SCG5: variants seen among roughly 807,000 people sequenced by gnomAD.
SCG5 encodes secretogranin V, also known as neuroendocrine protein 7B2.
A neutral mutation model predicts 25.7 loss-of-function variants in SCG5; 18 were observed. The ratio of observed to expected loss-of-function variants is 0.70; its 90% CI spans 0.48 to 1.04. The LOEUF (loss-of-function observed/expected upper bound fraction) is 1.04, where lower values mean the gene tolerates loss of function less well. Ranked by LOEUF, SCG5 falls within the 50% of genes least tolerant of loss-of-function variation. SCG5 has a pLI of 0.00. For synonymous variants in SCG5, 101 were observed against 91.7 expected, an observed-to-expected ratio of 1.10 and a Z score of -0.58; for missense variants, 206 against 259.8, an observed-to-expected ratio of 0.79 and a Z score of 1.42.
chr15:32,654,675 T>C (rs527564930), intron 2 of SCG5, among the ~76,000 whole-genome samples: 1 of 152,332 alleles, frequency 6.6e-6, no homozygotes, highest in Middle Eastern at 3.4e-3. Flanking sequence ...TGAATTGGCA[T>C]TGATGATGAG....
chr15:32,643,353 A>G (rs911528417), intron 1 of SCG5, among the ~76,000 whole-genome samples: 1 of 152,192 alleles, frequency 6.6e-6, no homozygotes, highest in African/African-American at 2.4e-5. Context: ...CTTTCTCAAG[A>G]ATGCAAACAG....
At position 32,679,760 on chromosome 15, in the gene SCG5, T is replaced by C. The variant is rs746311332; in HGVS notation, c.227-6T>C. The C allele has an allele frequency of 6.2e-7, 1 of 1,613,940 alleles. No individual in the cohort carries two copies. The highest frequency in any genetic ancestry group is 1.3e-5 in the African/African-American group (1 of 75,064). ...CTGCAATGAACTACTTCTGATTCCCTCGCAGGTGGAGCTCATGAAGGACTT... is the reference window on the plus strand; with the variant it reads ...CTGCAATGAACTACTTCTGATTCCCCCGCAGGTGGAGCTCATGAAGGACTT... On this transcript the variant is annotated splice_region_variant and splice_polypyrimidine_tract_variant and intron_variant, in intron 2 of 5. Transcript: ENST00000300175.
intron 4 of SCG5, among the ~76,000 whole-genome samples, chr15:32,690,583 T>C (rs1453056515): frequency 6.6e-6 from 1 of 152,212 alleles, no homozygotes; most frequent in Non-Finnish European, 1.5e-5. Context: ...GCTCCTTCAC[T>C]CTGGCACCGC....
intron 2 of SCG5, among the ~76,000 whole-genome samples, chr15:32,644,855 G>C (rs2053917968): frequency 6.6e-6 from 1 of 152,198 alleles, no homozygotes; most frequent in African/African-American, 2.4e-5. Context: ...GCCAGAGTCT[G>C]TGATTTTCTA....
At chr15:32,690,497 G>A (rs531255345) in intron 4 of SCG5, among the ~76,000 whole-genome samples, 8 of 152,312 alleles carry the variant, frequency 5.3e-5, no homozygotes, top group African/African-American at 1.4e-4. Flanking sequence ...TCTCCCTTCC[G>A]ATATTAAATT....
At chr15:32,674,364 G>A (rs1412355615) in intron 2 of SCG5, among the ~76,000 whole-genome samples, 1 of 151,906 alleles carries the variant, frequency 6.6e-6, no homozygotes, top group African/African-American at 2.4e-5. Flanking sequence ...ATTATATCAA[G>A]ATAAAATATG....
rs185590578 is a variant in SCG5, at chr15:32,680,225, T to C, written c.376+310T>C. Among the ~76,000 whole-genome samples the C allele has an allele frequency of 3.5e-3, 492 of 142,294 alleles. 2 individuals carry two copies. The highest frequency in any genetic ancestry group is 0.013 in the African/African-American group (486 of 38,062). 93.4% of individuals were successfully genotyped at this position (142,294 alleles called of 152,430 possible). On this transcript the variant is annotated intron_variant, in intron 3 of 5. Coordinates refer to ENST00000300175, the MANE Select transcript of SCG5 (RefSeq NM_001144757.3). ...TTTTTTTTTTTTTTGAGACAAAGTC[T>C]CGCTGTGTCACCCAGGCTGGAGTGC...
intron 5 of SCG5, 125 bp downstream of exon 5, chr15:32,691,888 A>C: frequency 6.6e-7 from 1 of 1,509,004 alleles, no homozygotes; most frequent in South Asian, 1.3e-5. Context: ...CCTGAGAAAC[A>C]CTGGTCCATG....
intron 2 of SCG5, among the ~76,000 whole-genome samples, chr15:32,649,427 A>G (rs2053998756): frequency 6.6e-6 from 1 of 152,176 alleles, no homozygotes; most frequent in African/African-American, 2.4e-5. Context: ...GTTATCTAGA[A>G]TTGACTATGA....
chr15:32,657,493 A>T (rs2054144395), intron 2 of SCG5, among the ~76,000 whole-genome samples: 1 of 151,838 alleles, frequency 6.6e-6, no homozygotes, highest in Non-Finnish European at 1.5e-5. Flanking sequence ...TGCCCTTGTG[A>T]CTTTACAGAT....
chr15:32,690,557 G>GT (rs2054832076), intron 4 of SCG5, among the ~76,000 whole-genome samples: 2 of 152,188 alleles, frequency 1.3e-5, no homozygotes, highest in Admixed American at 1.3e-4. Context: ...CAGTACTGGT[G>GT]TTTTTGGTAG....
chr15:32,687,487 T>C (rs933860726), intron 4 of SCG5, among the ~76,000 whole-genome samples: 5 of 152,218 alleles, frequency 3.3e-5, no homozygotes, highest in African/African-American at 1.2e-4. Flanking sequence ...CAGTAAAACA[T>C]TGTTTCCTTG....
At chr15:32,658,186 C>A (rs1226990818) in intron 2 of SCG5, among the ~76,000 whole-genome samples, 1 of 152,082 alleles carries the variant, frequency 6.6e-6, no homozygotes, top group Non-Finnish European at 1.5e-5. Flanking sequence ...CTGGGCCTGT[C>A]CATCATCTCT....
chr15:32,660,236 A>T (rs918518752), intron 2 of SCG5, among the ~76,000 whole-genome samples: 4 of 152,012 alleles, frequency 2.6e-5, no homozygotes, highest in African/African-American at 9.7e-5. Flanking sequence ...GACAGGCGAG[A>T]TGTACCTGCA....
chr15:32,663,607 T>C (rs2054274115), intron 2 of SCG5, among the ~76,000 whole-genome samples: 1 of 152,162 alleles, frequency 6.6e-6, no homozygotes, highest in South Asian at 2.1e-4. Flanking sequence ...CAGAATTACC[T>C]GGGAAGCTTA....
intron 3 of SCG5, among the ~76,000 whole-genome samples, chr15:32,680,540 T>C (rs1172714500): frequency 6.6e-6 from 1 of 152,148 alleles, no homozygotes; most frequent in Non-Finnish European, 1.5e-5. Flanking sequence ...CACTTTTTTT[T>C]CCTTTTCCAT....
intron 2 of SCG5, chr15:32,656,103 G>A (rs549612120): frequency 2.1e-4 from 32 of 152,220 alleles, no homozygotes; most frequent in African/African-American, 7.0e-4. Flanking sequence ...GACCACTAAG[G>A]CATTATTTAT....
intron 4 of SCG5, among the ~76,000 whole-genome samples, chr15:32,687,058 G>A (rs185101575): frequency 7.0e-6 from 1 of 143,120 alleles, no homozygotes; most frequent in Non-Finnish European, 1.6e-5. Flanking sequence ...CAGTAGGCTA[G>A]GAATGAGAGA....
Position 32,657,199 on chromosome 15 carries a change from G to GTATATATATATATA in SCG5, c.226+13394_226+13395insATATATATATATAT, listed in dbSNP as rs71113463. Reference sequence around the variant, plus strand: ...CCTTAATTCTTTCTTTCATCCTCCTGTATATATATATATGTATGTATTTCC... The same window carrying GTATATATATATATA: ...CCTTAATTCTTTCTTTCATCCTCCTGTATATATATATATATATATATATATATGTATGTATTTCC... On this transcript the variant is annotated intron_variant, in intron 2 of 5. Coordinates refer to ENST00000300175, the MANE Select transcript of SCG5 (RefSeq NM_001144757.3). Among the ~76,000 whole-genome samples, 26 of 6,672 alleles carry GTATATATATATATA rather than the reference G, an allele frequency of 3.9e-3. 7 individuals are homozygous for GTATATATATATATA. The highest frequency in any genetic ancestry group is 0.083 in the Middle Eastern group (1 of 12). 4.4% of individuals were successfully genotyped at this position (6,672 alleles called of 152,430 possible).
Sources: allele counts gnomAD v4.1 joint callset (sites outside exome capture counted in the v4.1 genomes callset), GRCh38; gene constraint gnomAD v4.1.1; transcripts MANE v1.5; gene names NCBI Gene and HGNC (gene_info 2026-07-23, HGNC 2026-07-21).